Variants in CFAP298 observed in about 807,000 individuals in gnomAD.
The protein encoded by CFAP298 is cilia and flagella associated protein 298.
A neutral mutation model predicts 41.0 loss-of-function variants in CFAP298; 38 were observed. The ratio of observed to expected loss-of-function variants is 0.93; its 90% CI spans 0.72 to 1.22. The LOEUF is 1.22. CFAP298 is among the 50% of genes most tolerant of loss of function. The pLI, the probability that CFAP298 is intolerant of heterozygous loss-of-function variation, is 0.00. For synonymous variants in CFAP298, 137 were observed against 135.3 expected, an observed-to-expected ratio of 1.01 and a Z score of -0.09; for missense variants, 348 against 360.3, an observed-to-expected ratio of 0.97 and a Z score of 0.28.
chr21:32,604,219 C>A lies in CFAP298; in HGVS notation c.440G>T (p.Arg147Leu), dbSNP rs890462788. ...EMVKDALDQL[R>L]GAVMIVYPMG... is the part of the protein sequence containing the mutation. Reference sequence around the variant, plus strand: ...GGGGTAAACAATCATCACCGCGCCTCGAAGCTGGTCCAAGGCATCTTTCAC... The same window carrying A: ...GGGGTAAACAATCATCACCGCGCCTAGAAGCTGGTCCAAGGCATCTTTCAC... Residue 147 changes from arginine (R) to leucine (L), a missense_variant, in exon 4 of 7, where the codon CGA becomes CTA. Transcript: ENST00000290155. 6.2e-7 allele frequency: 1 copy of A among 1,614,084 alleles called. No homozygotes were observed. Among genetic ancestry groups the A allele is most frequent in the South Asian group, 1.1e-5 (1 of 91,082 alleles).
intron 4 of CFAP298, among the ~76,000 whole-genome samples, 172 bp downstream of exon 4, chr21:32,603,953 C>A (rs1190622517): frequency 2.0e-5 from 3 of 152,156 alleles, no homozygotes; most frequent in Non-Finnish European, 4.4e-5. Context: ...CTCATGAGTA[C>A]CCACTCTCAG....
At chr21:32,607,405 C>G (rs934358184) in intron 3 of CFAP298, among the ~76,000 whole-genome samples, 1 of 151,992 alleles carries the variant, frequency 6.6e-6, no homozygotes, top group African/African-American at 2.4e-5. Flanking sequence ...ACCAGCCTGA[C>G]CAACATGGAG....
At chr21:32,602,183 G>A in intron 6 of CFAP298, 89 bp downstream of exon 6, 1 of 1,302,090 alleles carries the variant, frequency 7.7e-7, no homozygotes. Context: ...GCATTCTGCA[G>A]AGCTCACTGC....
chr21:32,603,175 C>T lies in CFAP298; in HGVS notation c.652G>A (p.Ala218Thr), dbSNP rs771639961. 1.3e-5 allele frequency: 21 copies of T among 1,614,048 alleles called. No individual in the cohort carries two copies. Among genetic ancestry groups the T allele is most frequent in the African/African-American group, 2.7e-5 (2 of 74,914 alleles). ...AAAGTACTTACTTGCTGAATCTTGG[C>T]GATAATTTTGGTTTTTTCATTCTTC... ...VGKNEKTKII[A>T]KIQQRGQGAP... is the part of the protein sequence containing the mutation. The change falls in exon 5 of 7, where the codon GCC (alanine) becomes ACC (threonine). Residue 218 changes from alanine to threonine, a missense_variant. Physicochemically the swap from Ala to Thr is moderately conservative, Grantham distance 58 (BLOSUM62 0). Coordinates refer to ENST00000290155, the MANE Select transcript of CFAP298 (RefSeq NM_021254.4).
In CFAP298 at chr21:32,600,392, C is replaced by G. The variant is rs954618611; in HGVS notation, c.*1471G>C. The stretch of plus-strand genomic sequence containing the variant: ...GCCTGGCAGCAGGCAGGAACCAAAC[C>G]CCTGCCACCTCCACTCACTCCCAGG... On this transcript the variant is annotated 3_prime_UTR_variant, in exon 7 of 7. Transcript: ENST00000290155. Among the ~76,000 whole-genome samples the G allele has an allele frequency of 9.8e-5, 15 of 152,336 alleles. No homozygotes were observed. The highest frequency in any genetic ancestry group is 3.6e-4 in the African/African-American group (15 of 41,574).
intron 3 of CFAP298, among the ~76,000 whole-genome samples, chr21:32,605,936 T>C (rs2038858267): frequency 6.6e-6 from 1 of 152,028 alleles, no homozygotes; most frequent in South Asian, 2.1e-4. Flanking sequence ...CAGGAGAGCC[T>C]TAAAGAAAGC....
rs771803570 is a variant in CFAP298, at chr21:32,612,174, G to C, written c.70C>G (p.Leu24Val). The part of the protein sequence containing the change: ...FLLQAPGSTE[L>V]EELTVQVARV... ...GCCACCTGCACCGTGAGCTCCTCCA[G>C]CTCGGTACTCCCAGGCGCCTGCAGC... The change falls in exon 1 of 7, where the codon CTG (leucine) becomes GTG (valine). Residue 24 changes from leucine to valine, a missense_variant. Transcript: ENST00000290155. The C allele has an allele frequency of 1.0e-5, 16 of 1,602,782 alleles. No individual in the cohort carries two copies. Among genetic ancestry groups the C allele is most frequent in the Non-Finnish European group, 1.1e-5 (13 of 1,175,430 alleles).
At position 32,604,226 on chromosome 21, in the gene CFAP298, G is replaced by C. The variant is rs2038816351; in HGVS notation, c.433C>G (p.Gln145Glu). Residue 145 changes from glutamine (Q) to glutamate (E), a missense_variant, in exon 4 of 7, where the codon CAG (glutamine) becomes GAG (glutamate). Transcript: ENST00000290155. Reference sequence around the variant, plus strand: ...ACAATCATCACCGCGCCTCGAAGCTGGTCCAAGGCATCTTTCACCATCTCC... The same window carrying C: ...ACAATCATCACCGCGCCTCGAAGCTCGTCCAAGGCATCTTTCACCATCTCC... ...TMEMVKDALDQLRGAVMIVYP... is the reference protein window; with the variant it reads ...TMEMVKDALDELRGAVMIVYP... 1 of 1,613,914 alleles carries C rather than the reference G, an allele frequency of 6.2e-7. No homozygotes were observed. Among genetic ancestry groups the C allele is most frequent in the Non-Finnish European group, 8.5e-7 (1 of 1,180,018 alleles).
chr21:32,603,296 G>A lies in CFAP298; in HGVS notation c.535-4C>T. On this transcript the variant is annotated splice_polypyrimidine_tract_variant and splice_region_variant and intron_variant, in intron 4 of 6. Transcript: ENST00000290155. The stretch of plus-strand genomic sequence containing the variant: ...CTTTAATGACGTTGAGCCCTGCCTG[G>A]GGCCAGTCGTAAGAATGGCTTGACT... The A allele has an allele frequency of 6.2e-7, 1 of 1,613,974 alleles. No homozygotes were observed. The highest frequency in any genetic ancestry group is 2.2e-5 in the East Asian group (1 of 44,882).
At chr21:32,603,388 C>G in intron 4 of CFAP298, 96 bp from the exon 5 acceptor site, 1 of 1,348,032 alleles carries the variant, frequency 7.4e-7, no homozygotes, top group Non-Finnish European at 1.0e-6. Context: ...GGACAGATTT[C>G]TCCCCGTGCT....
chr21:32,610,602 T>C (rs970135860), intron 1 of CFAP298, among the ~76,000 whole-genome samples: 1 of 152,234 alleles, frequency 6.6e-6, no homozygotes, highest in African/African-American at 2.4e-5. Context: ...ATTTCCAATT[T>C]ATAACGTTAT....
intron 3 of CFAP298, chr21:32,604,585 G>C: frequency 3.0e-6 from 1 of 332,804 alleles, no homozygotes; most frequent in Non-Finnish European, 5.6e-6. Context: ...AGATACGGCA[G>C]GGGGAGCAGG....
intron 5 of CFAP298, 147 bp from the exon 6 acceptor site, chr21:32,602,514 A>G: frequency 6.9e-7 from 1 of 1,441,476 alleles, no homozygotes; most frequent in Non-Finnish European, 9.1e-7. Flanking sequence ...GTGAAGCATC[A>G]AGGGAAGCCT....
chr21:32,611,318 C>CATATATATAT (rs71193198), intron 1 of CFAP298, among the ~76,000 whole-genome samples: 17 of 114,844 alleles, frequency 1.5e-4, no homozygotes, highest in African/African-American at 6.8e-4. Context: ...ACACACATAC[C>CATATATATAT]ATATATATAT....
chr21:32,602,544 G>A, intron 5 of CFAP298, 177 bp from the exon 6 acceptor site: 1 of 1,422,956 alleles, frequency 7.0e-7, no homozygotes, highest in Non-Finnish European at 9.1e-7. Context: ...GCAGCCCTGA[G>A]CCCTGGACTC....
In CFAP298 at chr21:32,599,847, G is replaced by A. The variant is rs2038707350; in HGVS notation, c.*2016C>T. ...TCAGAGAGGCTTTTGAGGCAGACAA[G>A]GGCAGGGAGAGAGGATGGTTCTTCT... is the stretch of plus-strand genomic sequence containing the variant. On this transcript the variant is annotated 3_prime_UTR_variant, in exon 7 of 7. Coordinates refer to ENST00000290155, the MANE Select transcript of CFAP298 (RefSeq NM_021254.4). 6.6e-6 allele frequency among the ~76,000 whole-genome samples: 1 copy of A among 152,224 alleles called. No homozygotes were observed. The highest frequency in any genetic ancestry group is 1.5e-5 in the Non-Finnish European group (1 of 68,042).
chr21:32,609,800 G>GT, intron 2 of CFAP298, 38 bp downstream of exon 2: 1 of 1,558,946 alleles, frequency 6.4e-7, no homozygotes, highest in Non-Finnish European at 8.8e-7. Flanking sequence ...ACTTATGCCT[G>GT]TATCAAGCAT....
At chr21:32,609,101 A>C (rs540722341) in intron 2 of CFAP298, among the ~76,000 whole-genome samples, 1 of 152,350 alleles carries the variant, frequency 6.6e-6, no homozygotes, top group Non-Finnish European at 1.5e-5. Flanking sequence ...CCCAGAGAGA[A>C]GCATGTCCTT....
At chr21:32,610,065 A>G in intron 1 of CFAP298, 60 bp from the exon 2 acceptor site, 1 of 1,455,808 alleles carries the variant, frequency 6.9e-7, no homozygotes, top group Non-Finnish European at 9.4e-7. Context: ...ATTGGAATGT[A>G]AGCTCCAAAG....
Sources: gnomAD v4.1 joint callset for allele counts (sites outside exome capture counted in the v4.1 genomes callset) on GRCh38, gnomAD v4.1.1 for gene constraint, MANE v1.5 for transcripts, NCBI Gene and HGNC (gene_info 2026-07-23, HGNC 2026-07-21) for gene names.